The following CELF3 variants were observed in gnomAD, a reference collection of about 807,000 sequenced individuals.
CELF3 encodes the protein CAG repeat domain.
Under a neutral mutation model 59.6 loss-of-function variants are expected in CELF3, and 26 were observed. The observed-to-expected ratio is 0.44, with a 90% CI of 0.32 to 0.61. CELF3 has a LOEUF of 0.61. Among genes scored for constraint, CELF3 ranks in the 20% least tolerant of loss-of-function variants. The pLI is 0.06. For synonymous variants in CELF3, 245 were observed against 250.7 expected (o/e 0.98, Z 0.22); for missense variants, 387 against 627.2 (o/e 0.62, Z 4.09).
chr1:151,707,773 C>A lies in CELF3; in HGVS notation c.630+19G>T, dbSNP rs761227714. ...CAGGGGGTCAGGAGGGCTGGCCCGG[C>A]ATCAGGGGCAGTGCTCACGGCCTGG... On this transcript the variant is annotated intron_variant, in intron 6 of 12. Coordinates refer to ENST00000290583, the MANE Select transcript of CELF3 (RefSeq NM_007185.7). The A allele has an allele frequency of 1.2e-6, 2 of 1,608,376 alleles. No homozygotes were observed. The highest frequency in any genetic ancestry group is 1.7e-6 in the Non-Finnish European group (2 of 1,175,684).
In CELF3 at chr1:151,701,300, TAGAAGCACA is replaced by T. The variant is rs1160508780; in HGVS notation, c.*2150_*2158del. 6.6e-6 allele frequency among the ~76,000 whole-genome samples: 1 copy of T among 152,148 alleles called. No homozygotes were observed. Among genetic ancestry groups the T allele is most frequent in the African/African-American group, 2.4e-5 (1 of 41,424 alleles). ...GAAGACAGAGGGTGGGGTAGCAGCC[TAGAAGCACA>T]TGTTCTATGAAGTCAAAGAAGACAC... On this transcript the variant is annotated 3_prime_UTR_variant, in exon 13 of 13. Transcript: ENST00000290583.
Position 151,705,185 on chromosome 1 carries a change from A to G in CELF3, c.1271-17T>C. On this transcript the variant is annotated splice_polypyrimidine_tract_variant and intron_variant, in intron 11 of 12. Transcript: ENST00000290583. This position sits in a 1 kb window ranked among gnomAD's most constrained non-coding sequence, Gnocchi z 5.1. ...TCACAAAGCCTGGGGTGAGAGGGGC[A>G]TAAGGCCCGGCCCAGCCCCACCTCG... 1 of 1,608,144 alleles carries G rather than the reference A, an allele frequency of 6.2e-7. No individual in the cohort carries two copies.
chr1:151,705,737 C>G lies in CELF3; in HGVS notation c.1270+85G>C. 3 of 1,413,910 alleles carry G rather than the reference C, an allele frequency of 2.1e-6. No homozygotes were observed. Among genetic ancestry groups the G allele is most frequent in the Non-Finnish European group, 2.9e-6 (3 of 1,021,214 alleles). The allele number at this position is 1,413,910 out of a possible 1,614,324, so 87.6% of individuals were successfully genotyped here. A position where few individuals can be genotyped will look rare whatever the true frequency, so the allele number is the denominator to read the frequency against. ...TAATCAGTATTTCAAATACTGGGTC[C>G]ACTGTGACCATAAATGCCTTCAAAT... On this transcript the variant is annotated intron_variant, in intron 11 of 12. Coordinates refer to ENST00000290583, the MANE Select transcript of CELF3 (RefSeq NM_007185.7). The surrounding 1 kb of genome is among the most constrained non-coding windows in gnomAD (Gnocchi z 5.1).
chr1:151,706,279 T>C lies in CELF3; in HGVS notation c.1071A>G (p.Pro357=). The C allele has an allele frequency of 6.3e-7, 1 of 1,577,410 alleles. No homozygotes were observed. The highest frequency in any genetic ancestry group is 8.6e-7 in the Non-Finnish European group (1 of 1,162,572). ...GCTGCTGCTGCTGCTGCTGTTGAGG[T>C]GGTGGTGGGGGCTGCTGGGCGACCA... ...PALVAQQPPP[P]PQQQQQQQQQ... is the part of the protein sequence containing the mutation. The change falls in exon 10 of 13, where the codon CCA becomes CCG. Residue 357 remains proline (P), a synonymous_variant. Coordinates refer to ENST00000290583, the MANE Select transcript of CELF3 (RefSeq NM_007185.7).
chr1:151,705,207 C>T lies in CELF3; in HGVS notation c.1271-39G>A. On this transcript the variant is annotated intron_variant, in intron 11 of 12. Coordinates refer to ENST00000290583, the MANE Select transcript of CELF3 (RefSeq NM_007185.7). The surrounding 1 kb of genome is among the most constrained non-coding windows in gnomAD (Gnocchi z 5.1). ...GGCATAAGGCCCGGCCCAGCCCCACCTCGCTCTTCCGTGCTTAGGAGACCT... is the reference window on the plus strand; with the variant it reads ...GGCATAAGGCCCGGCCCAGCCCCACTTCGCTCTTCCGTGCTTAGGAGACCT... 2.5e-6 allele frequency: 4 copies of T among 1,589,178 alleles called. No individual in the cohort carries two copies. Among genetic ancestry groups the T allele is most frequent in the Non-Finnish European group, 3.4e-6 (4 of 1,164,266 alleles).
At chr1:151,712,765 G>T (rs1022418625) in intron 2 of CELF3, among the ~76,000 whole-genome samples, 1 of 152,190 alleles carries the variant, frequency 6.6e-6, no homozygotes, top group African/African-American at 2.4e-5. Flanking sequence ...TAGATTTTTG[G>T]GGTGACAGAG....
Position 151,715,994 on chromosome 1 carries a change from C to A in CELF3, c.27G>T (p.Leu9=). The change falls in exon 1 of 13, where the codon CTG becomes CTT. Residue 9 remains leucine, a synonymous_variant. Coordinates refer to ENST00000290583, the MANE Select transcript of CELF3 (RefSeq NM_007185.7). MKEPDAIK[L]FVGQIPRHLE... ...GATGCCTCGGGATCTGCCCCACAAACAGCTTGATGGCATCCGGCTCCTTCA... is the reference window on the plus strand; with the variant it reads ...GATGCCTCGGGATCTGCCCCACAAAAAGCTTGATGGCATCCGGCTCCTTCA... 4 of 1,613,848 alleles carry A rather than the reference C, an allele frequency of 2.5e-6. No individual in the cohort carries two copies. The highest frequency in any genetic ancestry group is 3.4e-6 in the Non-Finnish European group (4 of 1,179,818).
rs1483052098 is a variant in CELF3 at position 151,715,934 on chromosome 1, CTG to C, written c.85_86del (p.Gln29ValfsTer6). 1 of 1,614,196 alleles carries C rather than the reference CTG, an allele frequency of 6.2e-7. No homozygotes were observed. The highest frequency in any genetic ancestry group is 2.2e-5 in the East Asian group (1 of 44,878). ...CAGTCAGCTCAAAGATCCGACCAAA[CTG>C]TTCGAAGATGGGCTTCAGGTCCTTC... Reference protein sequence around the residue: ...EEKDLKPIFEQFGRIFELTVI... With the variant: ...EEKDLKPIFEXFGRIFELTVI... On this transcript the variant is annotated frameshift_variant, in exon 1 of 13. Transcript: ENST00000290583. LOFTEE classifies it high-confidence loss of function.
At position 151,706,379 on chromosome 1, in the gene CELF3, G is replaced by C. The variant is rs1420043698; in HGVS notation, c.989-18C>G. On this transcript the variant is annotated intron_variant, in intron 9 of 12. Coordinates refer to ENST00000290583, the MANE Select transcript of CELF3 (RefSeq NM_007185.7). ...GTAGGCTGCTGGGGTGGGGAGAAGAGAGAGGCTGATGGGGCTTCCCTGACT... is the reference window on the plus strand; with the variant it reads ...GTAGGCTGCTGGGGTGGGGAGAAGACAGAGGCTGATGGGGCTTCCCTGACT... 1 of 1,537,058 alleles carries C rather than the reference G, an allele frequency of 6.5e-7. No homozygotes were observed. Among genetic ancestry groups the C allele is most frequent in the Non-Finnish European group, 8.8e-7 (1 of 1,138,790 alleles).
intron 2 of CELF3, among the ~76,000 whole-genome samples, chr1:151,712,920 T>G (rs1195182733): frequency 6.6e-6 from 1 of 152,016 alleles, no homozygotes; most frequent in Non-Finnish European, 1.5e-5. Flanking sequence ...CACACACTCA[T>G]GCATGCACAC....
intron 2 of CELF3, among the ~76,000 whole-genome samples, chr1:151,713,892 G>T (rs1216022599): frequency 6.6e-6 from 1 of 152,216 alleles, no homozygotes; most frequent in South Asian, 2.1e-4. Context: ...GACACAAAGA[G>T]ATAGGACCTT....
chr1:151,715,804 C>A, intron 1 of CELF3, 72 bp downstream of exon 1: 4 of 1,595,468 alleles, frequency 2.5e-6, no homozygotes, highest in Non-Finnish European at 3.4e-6. Flanking sequence ...CGCTCCACCC[C>A]TCCAGCCTGG....
At position 151,702,055 on chromosome 1, in the gene CELF3, A is replaced by G. The variant is rs1179256964; in HGVS notation, c.*1404T>C. Reference sequence around the variant, plus strand: ...AGTGGTTAGTAAATGGTGGTGTCACAACTGGCTCCCAGTATCCACACTGGC... The same window carrying G: ...AGTGGTTAGTAAATGGTGGTGTCACGACTGGCTCCCAGTATCCACACTGGC... On this transcript the variant is annotated 3_prime_UTR_variant, in exon 13 of 13. Transcript: ENST00000290583. Among the ~76,000 whole-genome samples the G allele has an allele frequency of 6.6e-6, 1 of 152,248 alleles. No individual in the cohort carries two copies. Among genetic ancestry groups the G allele is most frequent in the Non-Finnish European group, 1.5e-5 (1 of 68,046 alleles).
At chr1:151,704,186 C>T (rs1672321119) in intron 12 of CELF3, among the ~76,000 whole-genome samples, 3 of 152,036 alleles carry the variant, frequency 2.0e-5, no homozygotes, top group Middle Eastern at 6.8e-3. Context: ...GGACACGGGC[C>T]CTGGGCTGGG....
Position 151,716,431 on chromosome 1 carries a change from G to A in CELF3, c.-411C>T. The A allele has an allele frequency of 3.5e-6, 1 of 285,306 alleles. No individual in the cohort carries two copies. Among genetic ancestry groups the A allele is most frequent in the Non-Finnish European group, 6.9e-6 (1 of 144,176 alleles). 17.7% of individuals were successfully genotyped at this position (285,306 alleles called of 1,614,324 possible). A position where few individuals can be genotyped will look rare whatever the true frequency, so the allele number is the denominator to read the frequency against. The stretch of plus-strand genomic sequence containing the variant: ...GGGAAAGGGCCTGAGGAGGGTGATG[G>A]GGAGGAGACTGAGGGGTTAAGGGGC... On this transcript the variant is annotated 5_prime_UTR_variant, in exon 1 of 13. Coordinates refer to ENST00000290583, the MANE Select transcript of CELF3 (RefSeq NM_007185.7).
Position 151,703,090 on chromosome 1 carries a change from C to T in CELF3, c.*369G>A. On this transcript the variant is annotated 3_prime_UTR_variant, in exon 13 of 13. Transcript: ENST00000290583. ...CAGGCCCCTGCGGCTCTCCTGGGGC[C>T]TGCACGGGTAGAACAGGCCCACTGT... 1.6e-5 allele frequency: 7 copies of T among 451,160 alleles called. No individual in the cohort carries two copies. Among genetic ancestry groups the T allele is most frequent in the South Asian group, 9.4e-5 (6 of 63,872 alleles). 27.9% of individuals were successfully genotyped at this position (451,160 alleles called of 1,614,324 possible).
intron 12 of CELF3, 83 bp downstream of exon 12, chr1:151,704,946 CAG>C (rs1672387945): frequency 1.3e-5 from 18 of 1,429,276 alleles, no homozygotes; most frequent in Non-Finnish European, 1.6e-5. Context: ...TGGTGGAGGA[CAG>C]GGGTTGGGGG....
In CELF3 at chr1:151,705,876, C is replaced by T. The variant is rs762261971; in HGVS notation, c.1216G>A (p.Val406Ile). 1.2e-5 allele frequency: 19 copies of T among 1,614,004 alleles called. No homozygotes were observed. Among genetic ancestry groups the T allele is most frequent in the South Asian group, 6.6e-5 (6 of 91,082 alleles). Residue 406 changes from valine (V) to isoleucine (I), a missense_variant, in exon 11 of 13, where the codon GTC becomes ATC. Val to Ile is a conservative substitution (Grantham distance 29). Coordinates refer to ENST00000290583, the MANE Select transcript of CELF3 (RefSeq NM_007185.7). This position sits in a 1 kb window ranked among gnomAD's most constrained non-coding sequence, Gnocchi z 5.1. Reference protein sequence around the residue: ...ILQMFVPFGHVISAKVFVDRA... With the variant: ...ILQMFVPFGHIISAKVFVDRA... ...TCAACAAAGACTTTGGCTGAGATGACGTGGCCAAAGGGGACAAACATCTGG... is the reference window on the plus strand; with the variant it reads ...TCAACAAAGACTTTGGCTGAGATGATGTGGCCAAAGGGGACAAACATCTGG...
At position 151,716,600 on chromosome 1, in the gene CELF3, G is replaced by A. The variant is rs1038864226; in HGVS notation, c.-580C>T. ...CGAAGATCCCTGATGCCAGATGCTT[G>A]ATCTCTGATGGCGGCAGGGCTCCAG... On this transcript the variant is annotated 5_prime_UTR_variant, in exon 1 of 13. Transcript: ENST00000290583. 7.3e-4 allele frequency: 254 copies of A among 348,272 alleles called. 1 individual carries two copies. The highest frequency in any genetic ancestry group is 1.1e-3 in the Middle Eastern group (1 of 950). 21.6% of individuals were successfully genotyped at this position (348,272 alleles called of 1,614,324 possible).
Sources: allele counts gnomAD v4.1 joint callset (sites outside exome capture counted in the v4.1 genomes callset), GRCh38; gene constraint gnomAD v4.1.1; non-coding constraint Gnocchi (gnomAD v3.1); transcripts MANE v1.5; gene names NCBI Gene and HGNC (gene_info 2026-07-23, HGNC 2026-07-21).